The following CTNND2 variants were observed in gnomAD, a reference collection of about 807,000 sequenced individuals.
CTNND2 encodes catenin delta-2.
CTNND2 carries 22 observed loss-of-function variants against 144.4 expected under a neutral mutation model. The ratio of observed to expected loss-of-function variants is 0.15; its 90% CI spans 0.11 to 0.22. The LOEUF (loss-of-function observed/expected upper bound fraction) is 0.22. CTNND2 is among the 10% of genes least tolerant of loss of function. The pLI is 1.00. For synonymous variants in CTNND2, 751 were observed against 695.6 expected (o/e 1.08, Z -1.25); for missense variants, 1,353 against 1,618.8 (o/e 0.84, Z 2.82).
At chr5:11,158,816 T>G (rs1443102394) in intron 12 of CTNND2, among the ~76,000 whole-genome samples, 1 of 152,218 alleles carries the variant, frequency 6.6e-6, no homozygotes, top group East Asian at 1.9e-4. Context: ...TCACCCCTTT[T>G]GCCCCTATCC....
rs117644861 is a variant in CTNND2 at position 11,125,110 on chromosome 5, T to C, written c.2160-7543A>G. On this transcript the variant is annotated intron_variant, in intron 12 of 21. Coordinates refer to ENST00000304623, the MANE Select transcript of CTNND2 (RefSeq NM_001332.4). ...CATCCTTTTCTTCCGTGCAGGAAGA[T>C]TGTCCTCTTTGTTGAGTGCCCAGGG... is the stretch of plus-strand genomic sequence containing the variant. Among the ~76,000 whole-genome samples the C allele has an allele frequency of 3.9e-5, 6 of 152,310 alleles. No individual in the cohort carries two copies. The East Asian group carries it at 1.2e-3, about 29-fold the overall frequency.
intron 1 of CTNND2, among the ~76,000 whole-genome samples, chr5:11,748,135 T>C (rs1041888273): frequency 1.3e-5 from 2 of 152,116 alleles, no homozygotes; most frequent in Non-Finnish European, 2.9e-5. Context: ...CTTATACAAC[T>C]TTAGTCACTA....
At chr5:11,826,310 C>T (rs1793595167) in intron 1 of CTNND2, among the ~76,000 whole-genome samples, 1 of 151,850 alleles carries the variant, frequency 6.6e-6, no homozygotes. Context: ...ATGAACCAAA[C>T]ACAATAAATC....
At chr5:11,657,515 AG>A (rs1782976907) in intron 2 of CTNND2, among the ~76,000 whole-genome samples, 1 of 151,318 alleles carries the variant, frequency 6.6e-6, no homozygotes, top group African/African-American at 2.4e-5. Context: ...TTCCTTTCTT[AG>A]TACATAAAAT....
chr5:11,901,742 T>C (rs766296546), intron 1 of CTNND2, among the ~76,000 whole-genome samples: 1 of 152,140 alleles, frequency 6.6e-6, no homozygotes, highest in Non-Finnish European at 1.5e-5. Flanking sequence ...CAATATAACA[T>C]AAAACCCACA....
rs144519219 is a variant in CTNND2, at chr5:11,703,071, A to G, written c.174+29065T>C. ...AAGGCAGATTCCTACAGGATCACAC[A>G]TGAATGCAGTGGGCTGGCTGGGGTT... On this transcript the variant is annotated intron_variant, in intron 2 of 21. Coordinates refer to ENST00000304623, the MANE Select transcript of CTNND2 (RefSeq NM_001332.4). 4.4e-3 allele frequency among the ~76,000 whole-genome samples: 675 copies of G among 152,314 alleles called. 4 individuals are homozygous for G. The highest frequency in any genetic ancestry group is 0.016 in the African/African-American group (650 of 41,570).
At chr5:11,344,969 T>C (rs1754622596) in intron 9 of CTNND2, among the ~76,000 whole-genome samples, 1 of 152,214 alleles carries the variant, frequency 6.6e-6, no homozygotes. Context: ...ATTTAAAGTA[T>C]TTCCATCAGA....
intron 15 of CTNND2, among the ~76,000 whole-genome samples, chr5:11,083,657 TAC>T (rs530455291): frequency 3.7e-4 from 57 of 152,258 alleles, no homozygotes; most frequent in Admixed American, 6.5e-4. Context: ...TATACTCTTC[TAC>T]AGTGTCCTGG....
chr5:11,163,975 T>C (rs1278792196), intron 11 of CTNND2, among the ~76,000 whole-genome samples: 1 of 152,178 alleles, frequency 6.6e-6, no homozygotes, highest in East Asian at 1.9e-4. Context: ...GGCTGGAGTC[T>C]GAAATGGGCT....
chr5:11,704,805 A>T (rs1297398492), intron 2 of CTNND2, among the ~76,000 whole-genome samples: 2 of 151,934 alleles, frequency 1.3e-5, no homozygotes. Flanking sequence ...TACATAAAGC[A>T]TATTTACTTG....
chr5:11,300,391 C>T (rs932923187), intron 9 of CTNND2, among the ~76,000 whole-genome samples: 1 of 152,134 alleles, frequency 6.6e-6, no homozygotes, highest in Non-Finnish European at 1.5e-5. Context: ...GGCCTGGTCA[C>T]CCCAGAAATG....
At chr5:11,254,522 A>G (rs1455052919) in intron 9 of CTNND2, among the ~76,000 whole-genome samples, 2 of 152,140 alleles carry the variant, frequency 1.3e-5, no homozygotes, top group Non-Finnish European at 2.9e-5. Flanking sequence ...CTCCATTTGA[A>G]TAGGTATCAG....
At position 11,576,987 on chromosome 5, in the gene CTNND2, C is replaced by T. The variant is rs76552121; in HGVS notation, c.175-11931G>A. Among the ~76,000 whole-genome samples the T allele has an allele frequency of 5.5e-4, 84 of 152,252 alleles. No homozygotes were observed. In the East Asian group the frequency reaches 6.8e-3, roughly 12 times the overall value. On this transcript the variant is annotated intron_variant, in intron 2 of 21. Coordinates refer to ENST00000304623, the MANE Select transcript of CTNND2 (RefSeq NM_001332.4). ...AATTTCTGTTAAATACCCACAGTGT[C>T]GGAGTTTTCTAGTATATATATGAAA...
chr5:11,569,996 A>C (rs959515500), intron 2 of CTNND2, among the ~76,000 whole-genome samples: 2 of 152,198 alleles, frequency 1.3e-5, no homozygotes, highest in Admixed American at 1.3e-4. Context: ...TAGCAACCTA[A>C]ACAGCCTAAG....
At chr5:11,847,129 TATATATATA>T (rs1794776630) in intron 1 of CTNND2, among the ~76,000 whole-genome samples, 10 of 3,582 alleles carry the variant, frequency 2.8e-3, no homozygotes, top group African/African-American at 0.01. Flanking sequence ...TCAAAGATTT[TATATATATA>T]TATATATATA....
intron 1 of CTNND2, among the ~76,000 whole-genome samples, chr5:11,899,364 A>C (rs995097569): frequency 6.6e-6 from 1 of 152,232 alleles, no homozygotes; most frequent in Non-Finnish European, 1.5e-5. Context: ...AAAGAATATC[A>C]AAGTTTTGTA....
chr5:11,233,455 GA>G (rs1465306683), intron 10 of CTNND2, among the ~76,000 whole-genome samples: 1 of 152,204 alleles, frequency 6.6e-6, no homozygotes. Context: ...CAATATGAAT[GA>G]TGAAATGTAG....
chr5:11,791,442 C>G (rs1433357064), intron 1 of CTNND2, among the ~76,000 whole-genome samples: 2 of 151,988 alleles, frequency 1.3e-5, no homozygotes, highest in South Asian at 2.1e-4. Context: ...CAAGTGCACA[C>G]CAGCTAGAAC....
intron 11 of CTNND2, among the ~76,000 whole-genome samples, chr5:11,193,887 G>C (rs1278016187): frequency 2.6e-5 from 4 of 152,194 alleles, no homozygotes; most frequent in African/African-American, 9.7e-5. Flanking sequence ...TCACTTGGCT[G>C]ACCTTAAAGA....
Sources: gnomAD v4.1 joint callset for allele counts (sites outside exome capture counted in the v4.1 genomes callset) on GRCh38, gnomAD v4.1.1 for gene constraint, MANE v1.5 for transcripts, NCBI Gene and HGNC (gene_info 2026-07-23, HGNC 2026-07-21) for gene names.